ZNF445: variants seen among roughly 807,000 people sequenced by gnomAD.
ZNF445 encodes the protein zinc finger protein 445.
Under a neutral mutation model 93.9 loss-of-function variants are expected in ZNF445, and 19 were observed. The observed-to-expected ratio is 0.20, with a 90% CI of 0.14 to 0.30. The LOEUF (loss-of-function observed/expected upper bound fraction) is 0.30, where lower values mean the gene tolerates loss of function less well. Ranked by LOEUF, ZNF445 falls within the 10% of genes least tolerant of loss-of-function variation. The probability of loss-of-function intolerance (pLI) is 1.00; values close to 1 mark genes in which losing one functional copy is unlikely to be tolerated. For synonymous variants in ZNF445, 449 were observed against 446.3 expected (o/e 1.01, Z -0.08); for missense variants, 1,058 against 1,259.4 (o/e 0.84, Z 2.42).
intron 1 of ZNF445, among the ~76,000 whole-genome samples, chr3:44,466,144 C>T (rs62251376): frequency 6.6e-6 from 1 of 152,272 alleles, no homozygotes; most frequent in Admixed American, 6.5e-5. Flanking sequence ...CTTTGGAAAG[C>T]TAAGTCTCCT....
Position 44,447,120 on chromosome 3 carries a change from G to A in ZNF445, c.2551C>T (p.Arg851Cys), listed in dbSNP as rs1697887664. Residue 851 changes from arginine (R) to cysteine (C), a missense_variant, in exon 8 of 8, where the codon CGT becomes TGT. By Grantham distance (180) the Arg-to-Cys change is radical (BLOSUM62 -3). Transcript: ENST00000396077. The surrounding 1 kb of genome is among the most constrained non-coding windows in gnomAD (Gnocchi z 4.7). ...WCQECGKTFTRKRTLLDHKGI... is the reference protein window; with the variant it reads ...WCQECGKTFTCKRTLLDHKGI... ...TTATGATCTAAAAGGGTTCTTTTAC[G>A]TGTAAAGGTTTTCCCACATTCTTGA... 4 of 1,614,126 alleles carry A rather than the reference G, an allele frequency of 2.5e-6. No homozygotes were observed. Among genetic ancestry groups the A allele is most frequent in the Non-Finnish European group, 1.7e-6 (2 of 1,180,024 alleles).
rs745763513 is a variant in ZNF445, at chr3:44,451,391, C to T, written c.521G>A (p.Arg174Lys). ...AQIWSLASPLRSSSALGDHLE... is the reference protein window; with the variant it reads ...AQIWSLASPLKSSSALGDHLE... ...GTGGTCCCCCAGAGCAGAGCTGCTC[C>T]TGAGAGGTGAAGCAAGGGACCATAT... The change falls in exon 4 of 8, where the codon AGG becomes AAG. Residue 174 changes from arginine to lysine, a missense_variant. Coordinates refer to ENST00000396077, the MANE Select transcript of ZNF445 (RefSeq NM_181489.6). 14 of 1,614,054 alleles carry T rather than the reference C, an allele frequency of 8.7e-6. No individual in the cohort carries two copies. The highest frequency in any genetic ancestry group is 1.2e-5 in the Non-Finnish European group (14 of 1,180,028).
chr3:44,454,342 C>T (rs1697995720), intron 3 of ZNF445, among the ~76,000 whole-genome samples: 1 of 152,242 alleles, frequency 6.6e-6, no homozygotes, highest in Non-Finnish European at 1.5e-5. Flanking sequence ...ACACCCACCA[C>T]TTTACAGGGC....
At chr3:44,451,038 G>T in intron 4 of ZNF445, 76 bp from the exon 5 acceptor site, 1 of 1,259,356 alleles carries the variant, frequency 7.9e-7, no homozygotes, top group Non-Finnish European at 1.1e-6. Flanking sequence ...CCCCCCAGTA[G>T]AGGACTCCTG....
At chr3:44,458,565 C>T (rs1698063866) in intron 1 of ZNF445, among the ~76,000 whole-genome samples, 1 of 151,934 alleles carries the variant, frequency 6.6e-6, no homozygotes, top group South Asian at 2.1e-4. Context: ...TGGGCTTTGT[C>T]CTTGATTCCC....
chr3:44,449,759 C>T, intron 6 of ZNF445, 136 bp from the exon 7 acceptor site: 1 of 666,146 alleles, frequency 1.5e-6, no homozygotes, highest in East Asian at 2.7e-5. Flanking sequence ...GCGAAGGAGG[C>T]CCAGTCATTT....
chr3:44,472,388 G>T (rs1177103237), intron 1 of ZNF445, among the ~76,000 whole-genome samples: 1 of 152,274 alleles, frequency 6.6e-6, no homozygotes, highest in East Asian at 1.9e-4. Context: ...TTTGGAGGAG[G>T]ACGGGGGAAC....
intron 1 of ZNF445, among the ~76,000 whole-genome samples, chr3:44,464,549 T>C (rs1016514431): frequency 6.6e-6 from 1 of 152,238 alleles, no homozygotes; most frequent in African/African-American, 2.4e-5. Context: ...AAGACAGTTT[T>C]AAAGACTGAT....
At chr3:44,473,890 T>C (rs1698307457) in intron 1 of ZNF445, among the ~76,000 whole-genome samples, 1 of 152,070 alleles carries the variant, frequency 6.6e-6, no homozygotes, top group African/African-American at 2.4e-5. Flanking sequence ...AATAAATAAA[T>C]AACAGGGGAG....
intron 1 of ZNF445, among the ~76,000 whole-genome samples, chr3:44,467,331 T>C (rs997484035): frequency 2.0e-5 from 3 of 152,246 alleles, no homozygotes; most frequent in South Asian, 4.1e-4. Flanking sequence ...TTTAGTGCAA[T>C]AAGAATCTGT....
rs770931070 is a variant in ZNF445 at position 44,451,300 on chromosome 3, C to T, written c.598+14G>A. The T allele has an allele frequency of 1.2e-6, 2 of 1,610,798 alleles. No homozygotes were observed. The highest frequency in any genetic ancestry group is 3.3e-5 in the Admixed American group (2 of 59,924). ...TGGCATAAGGCTGGGGTCTTAAGGC[C>T]AGGCAGCAAGTACCGGATTGCCCAG... On this transcript the variant is annotated intron_variant, in intron 4 of 7. Coordinates refer to ENST00000396077, the MANE Select transcript of ZNF445 (RefSeq NM_181489.6).
rs1697776647 is a variant in ZNF445, at chr3:44,439,887, T to G, written c.*6688A>C. 6.6e-6 allele frequency: 1 copy of G among 152,330 alleles called. No individual in the cohort carries two copies. The highest frequency in any genetic ancestry group is 1.5e-5 in the Non-Finnish European group (1 of 68,048). The allele number at this position is 152,330 out of a possible 1,614,324, so 9.4% of individuals were successfully genotyped here. A position where few individuals can be genotyped will look rare whatever the true frequency, so the allele number is the denominator to read the frequency against. ...GAACAAGTGGCTCTGGTTTTTGTTG[T>G]GGTTATGAGAGCTCAGTGCATTTGA... On this transcript the variant is annotated 3_prime_UTR_variant, in exon 8 of 8. Coordinates refer to ENST00000396077, the MANE Select transcript of ZNF445 (RefSeq NM_181489.6).
At chr3:44,466,982 G>A (rs1165662427) in intron 1 of ZNF445, among the ~76,000 whole-genome samples, 3 of 152,160 alleles carry the variant, frequency 2.0e-5, no homozygotes. Context: ...TCATCCACAG[G>A]TATTTTGTCT....
intron 1 of ZNF445, 103 bp from the exon 2 acceptor site, chr3:44,458,467 T>A (rs1423278460): frequency 6.6e-6 from 1 of 152,078 alleles, no homozygotes; most frequent in Non-Finnish European, 1.5e-5. Context: ...TACACATTGG[T>A]TTTTATCCAT....
chr3:44,459,231 T>C (rs1006044782), intron 1 of ZNF445, among the ~76,000 whole-genome samples: 5 of 152,220 alleles, frequency 3.3e-5, no homozygotes, highest in African/African-American at 1.2e-4. Flanking sequence ...ACATCCTTTA[T>C]AATAAATTGA....
Position 44,447,945 on chromosome 3 carries a change from C to G in ZNF445, c.1726G>C (p.Ala576Pro). The stretch of plus-strand genomic sequence containing the variant: ...AACCCTGAGCTGTAGGTGAGAGCTG[C>G]CCTATACTGATTCAATTCAAGAAAT... ...KKFLELNQYRAALTYSSGFDH... is the reference protein window; with the variant it reads ...KKFLELNQYRPALTYSSGFDH... The change falls in exon 8 of 8, where the codon GCA (alanine) becomes CCA (proline). Residue 576 changes from alanine (A) to proline (P), a missense_variant. Transcript: ENST00000396077. The surrounding 1 kb of genome is among the most constrained non-coding windows in gnomAD (Gnocchi z 4.7). 1 of 1,613,374 alleles carries G rather than the reference C, an allele frequency of 6.2e-7. No homozygotes were observed. Among genetic ancestry groups the G allele is most frequent in the Non-Finnish European group, 8.5e-7 (1 of 1,180,006 alleles).
chr3:44,449,556 C>T lies in ZNF445; in HGVS notation c.888G>A (p.Met296Ile), dbSNP rs1293760088. 6.2e-7 allele frequency: 1 copy of T among 1,614,092 alleles called. No homozygotes were observed. The change falls in exon 7 of 8, where the codon ATG (methionine) becomes ATA (isoleucine). Residue 296 changes from methionine to isoleucine, a missense_variant. By Grantham distance (10) the Met-to-Ile change is conservative (BLOSUM62 1). This residue lies in a region of ZNF445 where 657 missense variants were observed against 746.4 expected (regional missense o/e 0.88). Transcript: ENST00000396077. The part of the protein sequence containing the change: ...LEAREPWGLN[M>I]QAAQPKGNPV... Reference sequence around the variant, plus strand: ...GATTCCCCTTAGGCTGAGCTGCCTGCATGTTCAGGCCCCATGGCTCCCTTG... The same window carrying T: ...GATTCCCCTTAGGCTGAGCTGCCTGTATGTTCAGGCCCCATGGCTCCCTTG...
intron 3 of ZNF445, among the ~76,000 whole-genome samples, chr3:44,452,484 C>G (rs866723897): frequency 6.6e-6 from 1 of 152,086 alleles, no homozygotes; most frequent in African/African-American, 2.4e-5. Context: ...TTACATATAT[C>G]TTAAAGCATT....
intron 3 of ZNF445, 64 bp downstream of exon 3, chr3:44,455,057 C>A: frequency 6.2e-7 from 1 of 1,602,738 alleles, no homozygotes; most frequent in Non-Finnish European, 8.5e-7. Context: ...CACCCCCATC[C>A]CCAGACAAGC....
Sources: allele counts gnomAD v4.1 joint callset (sites outside exome capture counted in the v4.1 genomes callset), GRCh38; gene constraint gnomAD v4.1.1; regional missense constraint gnomAD v4.1.1; non-coding constraint Gnocchi (gnomAD v3.1); transcripts MANE v1.5; gene names NCBI Gene and HGNC (gene_info 2026-07-23, HGNC 2026-07-21).